RGS22: variants seen among roughly 807,000 people sequenced by gnomAD.
RGS22 encodes the protein regulator of G-protein signaling 22.
Under a neutral mutation model 172.9 loss-of-function variants are expected in RGS22, and 148 were observed. That is an observed-to-expected ratio of 0.86 (90% CI 0.75 to 0.98). The LOEUF (loss-of-function observed/expected upper bound fraction) is 0.98. Ranked by LOEUF, RGS22 falls within the 50% of genes least tolerant of loss-of-function variation. RGS22 has a pLI of 0.00. For synonymous variants in RGS22, 458 were observed against 480.2 expected (o/e 0.95, Z 0.60); for missense variants, 1,347 against 1,440.8 (o/e 0.93, Z 1.05).
At chr8:100,098,854 ATTATTTTAT>A (rs1363142597) in intron 2 of RGS22, among the ~76,000 whole-genome samples, 1 of 21,512 alleles carries the variant, frequency 4.6e-5, no homozygotes, top group East Asian at 1.6e-3. Flanking sequence ...TATTTATTTT[ATTATTTTAT>A]TTATTTTATT....
At position 100,066,756 on chromosome 8, in the gene RGS22, C is replaced by T. The variant is rs377304275; in HGVS notation, c.595-460G>A. 7.5e-4 allele frequency among the ~76,000 whole-genome samples: 114 copies of T among 152,292 alleles called. 1 individual carries two copies. Among genetic ancestry groups the T allele is most frequent in the Middle Eastern group, 6.8e-3 (2 of 294 alleles). Reference sequence around the variant, plus strand: ...AACTGCTCCCCCAGTATGACAGAGACACTATTCTTAGTGCCACTGGAACCT... The same window carrying T: ...AACTGCTCCCCCAGTATGACAGAGATACTATTCTTAGTGCCACTGGAACCT... On this transcript the variant is annotated intron_variant, in intron 6 of 27. Transcript: ENST00000360863.
At chr8:100,092,602 T>G (rs1812667184) in intron 3 of RGS22, among the ~76,000 whole-genome samples, 1 of 152,166 alleles carries the variant, frequency 6.6e-6, no homozygotes, top group Non-Finnish European at 1.5e-5. Context: ...TAATCTCTGT[T>G]TTCCCTTCCA....
chr8:99,967,247 C>T (rs1266871491), intron 23 of RGS22, among the ~76,000 whole-genome samples: 3 of 152,158 alleles, frequency 2.0e-5, no homozygotes, highest in African/African-American at 4.8e-5. Context: ...GAGATTCCCT[C>T]GGGTGCCTAT....
chr8:100,026,711 A>C (rs1468492857), intron 14 of RGS22, among the ~76,000 whole-genome samples: 1 of 152,220 alleles, frequency 6.6e-6, no homozygotes, highest in Non-Finnish European at 1.5e-5. Context: ...TACTAGAAAG[A>C]TGTAAAATTG....
intron 21 of RGS22, 109 bp downstream of exon 21, chr8:99,987,349 A>C (rs1267856923): frequency 1.3e-6 from 1 of 750,860 alleles, no homozygotes; most frequent in Non-Finnish European, 2.1e-6. Context: ...AAGATAGCAA[A>C]ATTGGGATAT....
chr8:99,997,918 G>T (rs1036287888), intron 19 of RGS22, among the ~76,000 whole-genome samples: 2 of 152,160 alleles, frequency 1.3e-5, no homozygotes, highest in Admixed American at 6.5e-5. Flanking sequence ...TAAACAGATG[G>T]ATGGATGGAT....
rs558232754 is a variant in RGS22 at position 99,961,323 on chromosome 8, A to T, written c.*46-127T>A. ...ATGGTTTGGCTGTGTCCCCACCCAA[A>T]TCTCATCTTGTAGTTCCCATAATTC... On this transcript the variant is annotated intron_variant, in intron 27 of 27. Coordinates refer to ENST00000360863, the MANE Select transcript of RGS22 (RefSeq NM_015668.5). The T allele has an allele frequency of 4.7e-4, 172 of 365,108 alleles. 1 individual carries two copies. Among genetic ancestry groups the T allele is most frequent in the South Asian group, 3.6e-3 (162 of 44,704 alleles). 22.6% of individuals were successfully genotyped at this position (365,108 alleles called of 1,614,324 possible).
intron 18 of RGS22, 110 bp from the exon 19 acceptor site, chr8:99,999,530 C>A: frequency 9.2e-7 from 1 of 1,092,176 alleles, no homozygotes; most frequent in Non-Finnish European, 1.3e-6. Context: ...CTGAGGGGTG[C>A]CAATTTTCAT....
chr8:100,026,496 C>T (rs1818189803), intron 14 of RGS22, among the ~76,000 whole-genome samples: 1 of 152,070 alleles, frequency 6.6e-6, no homozygotes, highest in Admixed American at 6.5e-5. Flanking sequence ...ACTATAAACC[C>T]TGGGTAAATA....
intron 21 of RGS22, among the ~76,000 whole-genome samples, chr8:99,984,863 T>A (rs1340947531): frequency 6.6e-6 from 1 of 152,100 alleles, no homozygotes; most frequent in Non-Finnish European, 1.5e-5. Flanking sequence ...AGCTAGTTTT[T>A]AAAAAAGATC....
At chr8:100,027,639 C>T (rs1343953872) in intron 14 of RGS22, among the ~76,000 whole-genome samples, 3 of 152,124 alleles carry the variant, frequency 2.0e-5, no homozygotes, top group African/African-American at 2.4e-5. Context: ...TGTACCACCA[C>T]ATCCGGCTAA....
chr8:99,992,857 T>A (rs1813910771), intron 20 of RGS22, among the ~76,000 whole-genome samples: 1 of 152,134 alleles, frequency 6.6e-6, no homozygotes, highest in African/African-American at 2.4e-5. Context: ...ATTAACCACA[T>A]AATTGGAAGT....
intron 11 of RGS22, chr8:100,046,282 T>C (rs1041163528): frequency 6.6e-6 from 1 of 152,066 alleles, no homozygotes; most frequent in East Asian, 1.9e-4. Flanking sequence ...AGATAAGAAA[T>C]AGCATTCTGA....
At chr8:100,037,708 A>C (rs573432141) in intron 14 of RGS22, among the ~76,000 whole-genome samples, 3 of 152,360 alleles carry the variant, frequency 2.0e-5, no homozygotes, top group Admixed American at 2.0e-4. Flanking sequence ...TAGTGAAAAC[A>C]TAATAAAAAT....
At chr8:100,103,505 C>A (rs1366968764) in intron 2 of RGS22, among the ~76,000 whole-genome samples, 1 of 152,086 alleles carries the variant, frequency 6.6e-6, no homozygotes, top group Non-Finnish European at 1.5e-5. Context: ...TGTGGAGGGG[C>A]CTGGGGAGAA....
chr8:100,034,080 C>T (rs1338395419), intron 14 of RGS22, among the ~76,000 whole-genome samples: 1 of 152,152 alleles, frequency 6.6e-6, no homozygotes, highest in African/African-American at 2.4e-5. Context: ...TCTCTCACCA[C>T]TCCTATTCAA....
At chr8:100,025,103 G>A (rs1330808573) in intron 14 of RGS22, among the ~76,000 whole-genome samples, 5 of 152,100 alleles carry the variant, frequency 3.3e-5, no homozygotes, top group Non-Finnish European at 7.4e-5. Flanking sequence ...AAGACTCTAT[G>A]CATAACTGGG....
At position 100,051,692 on chromosome 8, in the gene RGS22, T is replaced by C. The variant is rs1470446580; in HGVS notation, c.1689+1110A>G. On this transcript the variant is annotated intron_variant, in intron 10 of 27. Transcript: ENST00000360863. Reference sequence around the variant, plus strand: ...TTATATATGTTTATACATATATATATTTATATATACGTATATATAAATATA... The same window carrying C: ...TTATATATGTTTATACATATATATACTTATATATACGTATATATAAATATA... Among the ~76,000 whole-genome samples the C allele has an allele frequency of 3.0e-3, 87 of 28,874 alleles. 20 individuals carry two copies. Among genetic ancestry groups the C allele is most frequent in the African/African-American group, 6.8e-3 (32 of 4,704 alleles). The allele number at this position is 28,874 out of a possible 152,430, so 18.9% of individuals were successfully genotyped here.
chr8:99,982,146 T>C (rs1812620577), intron 21 of RGS22, 30 bp from the exon 22 acceptor site: 2 of 1,518,072 alleles, frequency 1.3e-6, no homozygotes, highest in Non-Finnish European at 1.8e-6. Context: ...GAATGGTATA[T>C]AATTAATGCA....
Sources: gnomAD v4.1 joint callset for allele counts (sites outside exome capture counted in the v4.1 genomes callset) on GRCh38, gnomAD v4.1.1 for gene constraint, MANE v1.5 for transcripts, NCBI Gene and HGNC (gene_info 2026-07-23, HGNC 2026-07-21) for gene names.